PSMA8: variants seen among roughly 807,000 people sequenced by gnomAD.
PSMA8 encodes the protein proteasome subunit alpha-type 8.
Under a neutral mutation model 32.4 loss-of-function variants are expected in PSMA8, and 18 were observed. The observed-to-expected ratio is 0.56, with a 90% CI of 0.38 to 0.82. The LOEUF is 0.82. Ranked by LOEUF, PSMA8 falls within the 40% of genes least tolerant of loss-of-function variation. The probability of loss-of-function intolerance (pLI) is 0.00; values close to 1 mark genes in which losing one functional copy is unlikely to be tolerated. For missense variants in PSMA8, 298 were observed against 300.7 expected, an observed-to-expected ratio of 0.99 and a Z score of 0.07; for synonymous variants, 104 against 98.1, an observed-to-expected ratio of 1.06 and a Z score of -0.36.
At chr18:26,178,473 C>G (rs896831149) in intron 4 of PSMA8, among the ~76,000 whole-genome samples, 1 of 152,058 alleles carries the variant, frequency 6.6e-6, no homozygotes, top group Non-Finnish European at 1.5e-5. Flanking sequence ...GTGATGCATA[C>G]CTGTAGTCCC....
intron 4 of PSMA8, among the ~76,000 whole-genome samples, chr18:26,174,253 T>G (rs1195656226): frequency 2.6e-5 from 4 of 152,236 alleles, no homozygotes; most frequent in African/African-American, 9.6e-5. Context: ...TATAGACATT[T>G]AGTGGCAGGA....
At chr18:26,161,111 G>A (rs142193001) in intron 4 of PSMA8, among the ~76,000 whole-genome samples, 1 of 152,258 alleles carries the variant, frequency 6.6e-6, no homozygotes, top group Admixed American at 6.5e-5. Flanking sequence ...ATGGCCAAGT[G>A]GCAATCTCAG....
intron 6 of PSMA8, among the ~76,000 whole-genome samples, chr18:26,182,381 G>A (rs1226541392): frequency 1.3e-5 from 2 of 152,210 alleles, no homozygotes; most frequent in Non-Finnish European, 2.9e-5. Flanking sequence ...TGTCTTGTTA[G>A]GGGATAATGC....
intron 3 of PSMA8, 69 bp from the exon 4 acceptor site, chr18:26,158,053 T>A (rs2055104390): frequency 1.9e-6 from 2 of 1,066,140 alleles, no homozygotes; most frequent in South Asian, 3.2e-5. Context: ...TGGGCAGCAA[T>A]GCTTTATTAT....
intron 6 of PSMA8, among the ~76,000 whole-genome samples, chr18:26,184,064 T>C (rs968322130): frequency 1.3e-5 from 2 of 150,764 alleles, no homozygotes; most frequent in Non-Finnish European, 3.0e-5. Context: ...TATTGCACAC[T>C]CAATAGACTA....
At chr18:26,144,382 T>G (rs897212905) in intron 1 of PSMA8, among the ~76,000 whole-genome samples, 177 bp from the exon 2 acceptor site, 19 of 152,220 alleles carry the variant, frequency 1.2e-4, no homozygotes, top group Admixed American at 1.2e-3. Flanking sequence ...GCTTTGAGTC[T>G]GGGGAATGGA....
At chr18:26,161,755 A>G (rs970075726) in intron 4 of PSMA8, among the ~76,000 whole-genome samples, 1 of 152,132 alleles carries the variant, frequency 6.6e-6, no homozygotes, top group African/African-American at 2.4e-5. Context: ...AAAAAAATGC[A>G]AGGAAGTATT....
chr18:26,161,773 G>A (rs980960433), intron 4 of PSMA8, among the ~76,000 whole-genome samples: 1 of 152,182 alleles, frequency 6.6e-6, no homozygotes, highest in Non-Finnish European at 1.5e-5. Flanking sequence ...ATTCAGTTAA[G>A]TCCATAGGTG....
At chr18:26,140,241 G>A in intron 1 of PSMA8, 1 of 663,660 alleles carries the variant, frequency 1.5e-6, no homozygotes, top group Non-Finnish European at 2.7e-6. Context: ...AGGCAGGCTG[G>A]CTTGGCACCA....
intron 3 of PSMA8, among the ~76,000 whole-genome samples, chr18:26,153,836 T>A (rs1450638268): frequency 6.6e-6 from 1 of 152,206 alleles, no homozygotes; most frequent in East Asian, 1.9e-4. Flanking sequence ...GAGTAAATGA[T>A]TTAAGACATT....
intron 2 of PSMA8, among the ~76,000 whole-genome samples, chr18:26,149,202 C>T (rs1249172471): frequency 6.6e-6 from 1 of 152,078 alleles, no homozygotes; most frequent in African/African-American, 2.4e-5. Flanking sequence ...AAAAACAATT[C>T]CATGTCAATA....
chr18:26,157,513 C>T (rs900423030), intron 3 of PSMA8, among the ~76,000 whole-genome samples: 2 of 152,134 alleles, frequency 1.3e-5, no homozygotes, highest in Admixed American at 6.5e-5. Context: ...AAGTTCCCTA[C>T]CACTAAAGTA....
chr18:26,160,047 G>T (rs113663736), intron 4 of PSMA8, among the ~76,000 whole-genome samples: 70 of 152,254 alleles, frequency 4.6e-4, no homozygotes, highest in African/African-American at 1.6e-3. Flanking sequence ...CACTTCTGTA[G>T]TCCCAGCACT....
At chr18:26,185,660 C>A (rs1598673589) in intron 6 of PSMA8, among the ~76,000 whole-genome samples, 1 of 150,612 alleles carries the variant, frequency 6.6e-6, no homozygotes, top group South Asian at 2.1e-4. Flanking sequence ...GGGAATCAAC[C>A]ATAATGTATT....
chr18:26,151,785 C>A, intron 2 of PSMA8, 73 bp from the exon 3 acceptor site: 2 of 1,404,722 alleles, frequency 1.4e-6, no homozygotes, highest in Non-Finnish European at 9.6e-7. Context: ...GAATAAAACC[C>A]ATTTGACAAG....
intron 1 of PSMA8, among the ~76,000 whole-genome samples, chr18:26,141,713 C>CTTTTTTTTTTTTTTTTTTTTTTT (rs1011733993): frequency 2.7e-5 from 3 of 109,994 alleles, no homozygotes; most frequent in African/African-American, 3.8e-5. Flanking sequence ...TTTCTTTTTT[C>CTTTTTTTTTTTTTTTTTTTTTTT]TTTTTTTTTT....
chr18:26,173,168 C>G (rs964962784), intron 4 of PSMA8, among the ~76,000 whole-genome samples: 1 of 152,220 alleles, frequency 6.6e-6, no homozygotes, highest in African/African-American at 2.4e-5. Context: ...CTAACCTTAT[C>G]TGGCCCCCAC....
At chr18:26,134,168 A>G in intron 1 of PSMA8, 101 bp downstream of exon 1, 2 of 793,554 alleles carry the variant, frequency 2.5e-6, no homozygotes, top group Admixed American at 2.2e-5. Flanking sequence ...AGCTCAAGAG[A>G]GGAGATTCCC....
At chr18:26,137,041 G>A (rs972766535) in intron 1 of PSMA8, among the ~76,000 whole-genome samples, 2 of 152,122 alleles carry the variant, frequency 1.3e-5, no homozygotes, top group African/African-American at 4.8e-5. Context: ...CATGAAATTT[G>A]TTCAATAAAT....
Sources: gnomAD v4.1 joint callset for allele counts (sites outside exome capture counted in the v4.1 genomes callset) on GRCh38, gnomAD v4.1.1 for gene constraint, MANE v1.5 for transcripts, NCBI Gene and HGNC (gene_info 2026-07-23, HGNC 2026-07-21) for gene names.